The following SLCO1A2 variants were observed in gnomAD, a reference collection of about 807,000 sequenced individuals.
The protein encoded by SLCO1A2 is solute carrier organic anion transporter family member 1A2, also known as OATP-1.
A neutral mutation model predicts 69.0 loss-of-function variants in SLCO1A2; 67 were observed. The observed-to-expected ratio is 0.97, with a 90% confidence interval of 0.80 to 1.19. The LOEUF (loss-of-function observed/expected upper bound fraction) is 1.19. SLCO1A2 is among the 50% of genes most tolerant of loss of function. The pLI, the probability that SLCO1A2 is intolerant of heterozygous loss-of-function variation, is 0.00. For synonymous variants in SLCO1A2, 260 were observed against 265.9 expected (o/e 0.98, Z 0.22); for missense variants, 787 against 793.7 (o/e 0.99, Z 0.10).
At chr12:21,407,820 TGAA>T (rs1210424580) in intron 1 of SLCO1A2, among the ~76,000 whole-genome samples, 3 of 105,334 alleles carry the variant, frequency 2.8e-5, no homozygotes, top group African/African-American at 7.6e-5. Context: ...TAAAAATAAA[TGAA>T]AAAAAAAAAA....
chr12:21,296,257 T>C (rs536058068), intron 9 of SLCO1A2, among the ~76,000 whole-genome samples: 6 of 152,258 alleles, frequency 3.9e-5, no homozygotes, highest in African/African-American at 1.4e-4. Context: ...TTTCTTTTTT[T>C]AGAGACAGAA....
At chr12:21,384,630 A>T (rs181372900) in intron 1 of SLCO1A2, among the ~76,000 whole-genome samples, 15 of 152,342 alleles carry the variant, frequency 9.8e-5, no homozygotes, top group African/African-American at 3.4e-4. Flanking sequence ...CTAAAAAGAT[A>T]TAATTTAAGT....
chr12:21,297,475 A>G lies in SLCO1A2; in HGVS notation c.1004T>C (p.Met335Thr), dbSNP rs1947906863. The change falls in exon 9 of 15, where the codon ATG becomes ACG. Residue 335 changes from methionine to threonine, a missense_variant. By Grantham distance (81) the Met-to-Thr change is moderately conservative. Transcript: ENST00000683939. Reference sequence around the variant, plus strand: ...TAGGTATTTAGGCATGAAGGAGATCATGTTAACGAATGCATTGAACTGTAT... The same window carrying G: ...TAGGTATTTAGGCATGAAGGAGATCGTGTTAACGAATGCATTGAACTGTAT... ...SVIQFNAFVN[M>T]ISFMPKYLEQ... 6.2e-7 allele frequency: 1 copy of G among 1,612,126 alleles called. No individual in the cohort carries two copies. Among genetic ancestry groups the G allele is most frequent in the Non-Finnish European group, 8.5e-7 (1 of 1,178,494 alleles).
At chr12:21,383,717 G>A (rs971085301) in intron 1 of SLCO1A2, among the ~76,000 whole-genome samples, 3 of 152,022 alleles carry the variant, frequency 2.0e-5, no homozygotes, top group Non-Finnish European at 4.4e-5. Context: ...TGATATTAGT[G>A]GTTGGGATTT....
At chr12:21,332,508 G>C (rs1952677114) in intron 2 of SLCO1A2, among the ~76,000 whole-genome samples, 1 of 152,076 alleles carries the variant, frequency 6.6e-6, no homozygotes, top group South Asian at 2.1e-4. Flanking sequence ...CAAAAGAGAG[G>C]AGGGTATAAA....
intron 2 of SLCO1A2, among the ~76,000 whole-genome samples, chr12:21,340,122 C>T (rs4762816): frequency 0.04 from 6,122 of 151,994 alleles, 168 homozygotes; most frequent in Non-Finnish European, 0.054. Context: ...GGTCAGCTCC[C>T]CACTTTACAT....
Position 21,387,066 on chromosome 12 carries a change from T to C in SLCO1A2, c.-190+7840A>G, listed in dbSNP as rs563072953. On this transcript the variant is annotated intron_variant, in intron 1 of 15. Transcript: ENST00000307378. Reference sequence around the variant, plus strand: ...TGCTATGCTTTAGCAAAGAGACTGCTGGCTTTTTGCCCCGGCCCTAGAGAA... The same window carrying C: ...TGCTATGCTTTAGCAAAGAGACTGCCGGCTTTTTGCCCCGGCCCTAGAGAA... Among the ~76,000 whole-genome samples, 9 of 152,326 alleles carry C rather than the reference T, an allele frequency of 5.9e-5. No individual in the cohort carries two copies. In the South Asian group the frequency reaches 1.0e-3, roughly 18 times the overall value.
At chr12:21,334,366 C>T (rs1952793499) in intron 2 of SLCO1A2, among the ~76,000 whole-genome samples, 1 of 152,064 alleles carries the variant, frequency 6.6e-6, no homozygotes, top group Non-Finnish European at 1.5e-5. Flanking sequence ...CCATTTAAGT[C>T]TCTCAAAGCC....
chr12:21,308,390 G>A (rs1949695569), intron 4 of SLCO1A2, among the ~76,000 whole-genome samples: 1 of 152,196 alleles, frequency 6.6e-6, no homozygotes, highest in Admixed American at 6.5e-5. Flanking sequence ...CTGCAAGGAA[G>A]CAATGCTGCA....
intron 13 of SLCO1A2, 104 bp downstream of exon 13, chr12:21,275,256 A>T (rs1426215802): frequency 9.2e-7 from 1 of 1,088,938 alleles, no homozygotes; most frequent in Non-Finnish European, 1.3e-6. Context: ...CATATGTAAC[A>T]AACCTGCACG....
rs1941871522 is a variant in SLCO1A2, at chr12:21,409,344, G to C, written c.-312+8538C>G. Among the ~76,000 whole-genome samples, 3 of 152,080 alleles carry C rather than the reference G, an allele frequency of 2.0e-5. No homozygotes were observed. The South Asian group carries it at 6.2e-4, about 31-fold the overall frequency. On this transcript the variant is annotated intron_variant, in intron 1 of 4. Transcript: ENST00000413682. ...CTATTGGATAGATAGTATAAAACTA[G>C]GGTCAGCCTGTGGGTAGAATCTGGC...
intron 2 of SLCO1A2, among the ~76,000 whole-genome samples, chr12:21,365,521 G>T (rs1939305108): frequency 6.6e-6 from 1 of 152,038 alleles, no homozygotes; most frequent in African/African-American, 2.4e-5. Context: ...CAAAAGCAAT[G>T]GCAACAAAAG....
intron 2 of SLCO1A2, among the ~76,000 whole-genome samples, chr12:21,334,197 A>G (rs1213258647): frequency 6.6e-6 from 1 of 152,094 alleles, no homozygotes; most frequent in Admixed American, 6.6e-5. Context: ...GTAATTGCAT[A>G]CAAATCAACA....
rs1387546515 is a variant in SLCO1A2 at position 21,297,518 on chromosome 12, A to T, written c.961T>A (p.Phe321Ile). The change falls in exon 9 of 15, where the codon TTC becomes ATC. Residue 321 changes from phenylalanine to isoleucine, a missense_variant. By Grantham distance (21) the Phe-to-Ile change is conservative (BLOSUM62 0). Coordinates refer to ENST00000683939, the MANE Select transcript of SLCO1A2 (RefSeq NM_001386879.1). ...SLSCNPIYML[F>I]ILVSVIQFNA... ...AACTGTATCACACTTACAAGTATGA[A>T]AAGCATATAAATTGGATTGCAGGAA... 6.2e-7 allele frequency: 1 copy of T among 1,600,782 alleles called. No individual in the cohort carries two copies. The highest frequency in any genetic ancestry group is 8.5e-7 in the Non-Finnish European group (1 of 1,171,478).
chr12:21,331,660 G>A (rs1308261298), intron 2 of SLCO1A2, among the ~76,000 whole-genome samples: 1 of 151,678 alleles, frequency 6.6e-6, no homozygotes, highest in Non-Finnish European at 1.5e-5. Context: ...ATCTAGGAAT[G>A]AGACCCTGGC....
chr12:21,365,577 C>T (rs990139578), intron 2 of SLCO1A2, among the ~76,000 whole-genome samples: 10 of 152,130 alleles, frequency 6.6e-5, no homozygotes, highest in African/African-American at 2.4e-4. Flanking sequence ...AGCTTCTGCA[C>T]ATCAAAAGAA....
intron 12 of SLCO1A2, 58 bp from the exon 13 acceptor site, chr12:21,275,482 T>C: frequency 7.5e-7 from 1 of 1,327,936 alleles, no homozygotes; most frequent in Non-Finnish European, 9.8e-7. Flanking sequence ...ACTATCATAT[T>C]GTCTTGAAAA....
In SLCO1A2 at chr12:21,265,103, A is replaced by T. The variant is rs146618676; in HGVS notation, c.*4445T>A. The T allele has an allele frequency of 6.6e-6, 1 of 152,300 alleles. No individual in the cohort carries two copies. 9.4% of individuals were successfully genotyped at this position (152,300 alleles called of 1,614,324 possible). A position where few individuals can be genotyped will look rare whatever the true frequency, so the allele number is the denominator to read the frequency against. On this transcript the variant is annotated 3_prime_UTR_variant, in exon 15 of 15. Transcript: ENST00000683939. The stretch of plus-strand genomic sequence containing the variant: ...TAGCTCTGGTGTATTAAAATAAAAC[A>T]TCAATTGTATGAGTGTAATAGACAT...
Position 21,293,935 on chromosome 12 carries a change from G to A in SLCO1A2, c.1437+10C>T, listed in dbSNP as rs1424899595. 2 of 1,596,306 alleles carry A rather than the reference G, an allele frequency of 1.3e-6. No homozygotes were observed. The highest frequency in any genetic ancestry group is 1.1e-5 in the South Asian group (1 of 87,640). On this transcript the variant is annotated intron_variant, in intron 11 of 14. Coordinates refer to ENST00000683939, the MANE Select transcript of SLCO1A2 (RefSeq NM_001386879.1). ...AACTCAAAAAAGTTCTGTCAAATAG[G>A]ATGTCTTACCATGTTTATTCCCGTT...
Sources: gnomAD v4.1 joint callset for allele counts (sites outside exome capture counted in the v4.1 genomes callset) on GRCh38, gnomAD v4.1.1 for gene constraint, MANE v1.5 for transcripts, NCBI Gene and HGNC (gene_info 2026-07-23, HGNC 2026-07-21) for gene names.